Variants in SLC22A2 observed in about 807,000 individuals in gnomAD.
The protein encoded by SLC22A2 is solute carrier family 22 member 2, also known as organic cation transporter 2.
Under a neutral mutation model 60.5 loss-of-function variants are expected in SLC22A2, and 46 were observed. The observed-to-expected ratio is 0.76, with a 90% CI of 0.60 to 0.97. The LOEUF (loss-of-function observed/expected upper bound fraction) is 0.97. Among genes scored for constraint, SLC22A2 ranks in the 50% least tolerant of loss-of-function variants. The pLI is 0.00. For missense variants in SLC22A2, 701 were observed against 706.6 expected, an observed-to-expected ratio of 0.99 and a Z score of 0.09; for synonymous variants, 303 against 267.0, an observed-to-expected ratio of 1.13 and a Z score of -1.31.
In SLC22A2 at chr6:160,258,787, C is replaced by T. The variant is rs748026914; in HGVS notation, c.-30G>A. 2 of 1,511,596 alleles carry T rather than the reference C, an allele frequency of 1.3e-6. No homozygotes were observed. The highest frequency in any genetic ancestry group is 2.3e-5 in the East Asian group (1 of 43,472). 93.6% of individuals were successfully genotyped at this position (1,511,596 alleles called of 1,614,324 possible). The stretch of plus-strand genomic sequence containing the variant: ...CTGCAGGCAGGAGGGCCCGAGGCTG[C>T]CCGACGTGCCCGGAGCGAGGCTGAG... On this transcript the variant is annotated 5_prime_UTR_variant, in exon 1 of 11. Transcript: ENST00000366953.
intron 9 of SLC22A2, among the ~76,000 whole-genome samples, chr6:160,232,570 C>CT (rs1433683827): frequency 4.2e-5 from 3 of 71,944 alleles, no homozygotes; most frequent in East Asian, 1.1e-3. Flanking sequence ...ATTAATGCCT[C>CT]TTTAAAAAAA....
intron 10 of SLC22A2, among the ~76,000 whole-genome samples, chr6:160,222,797 G>A (rs73782047): frequency 0.012 from 1,820 of 152,288 alleles, 54 homozygotes; most frequent in African/African-American, 0.042. Flanking sequence ...CGATCATTCA[G>A]CTCCTACAAA....
At position 160,247,142 on chromosome 6, in the gene SLC22A2, T is replaced by G. The variant is rs749029017; in HGVS notation, c.957+42A>C. On this transcript the variant is annotated intron_variant, in intron 5 of 10. Coordinates refer to ENST00000366953, the MANE Select transcript of SLC22A2 (RefSeq NM_003058.4). ...TGCATGAATCTTACCAGAGCCTCCC[T>G]TTTCTCCATCCCCTGATTTGATACT... 17 of 1,164,460 alleles carry G rather than the reference T, an allele frequency of 1.5e-5. No individual in the cohort carries two copies. The East Asian group carries it at 4.0e-4, about 27-fold the overall frequency. 72.1% of individuals were successfully genotyped at this position (1,164,460 alleles called of 1,614,324 possible).
At chr6:160,221,677 T>G (rs1782646483) in intron 10 of SLC22A2, among the ~76,000 whole-genome samples, 1 of 152,212 alleles carries the variant, frequency 6.6e-6, no homozygotes. Context: ...AATATGGTTG[T>G]GTCTTGGGCC....
At chr6:160,220,902 A>G (rs1225483142) in intron 10 of SLC22A2, among the ~76,000 whole-genome samples, 1 of 152,210 alleles carries the variant, frequency 6.6e-6, no homozygotes, top group East Asian at 1.9e-4. Flanking sequence ...CCATGAGCAC[A>G]AGCAGAGTAG....
intron 3 of SLC22A2, 117 bp from the exon 4 acceptor site, chr6:160,249,501 C>A (rs316017): frequency 1.8e-4 from 141 of 775,742 alleles, no homozygotes; most frequent in Non-Finnish European, 2.5e-4. Flanking sequence ...GAATATTCTA[C>A]GCAACTCTCT....
chr6:160,230,753 C>A (rs998542161), intron 9 of SLC22A2, among the ~76,000 whole-genome samples: 1 of 151,948 alleles, frequency 6.6e-6, no homozygotes, highest in Non-Finnish European at 1.5e-5. Context: ...CCTCCTCCCC[C>A]AGGAGCTTGC....
At chr6:160,235,379 T>C (rs1418020259) in intron 9 of SLC22A2, among the ~76,000 whole-genome samples, 1 of 150,396 alleles carries the variant, frequency 6.6e-6, no homozygotes, top group African/African-American at 2.5e-5. Context: ...CTAGAAGTTA[T>C]GAAAATGTCC....
intron 9 of SLC22A2, among the ~76,000 whole-genome samples, chr6:160,228,132 T>C (rs1463263674): frequency 2.0e-5 from 3 of 152,254 alleles, no homozygotes; most frequent in South Asian, 2.1e-4. Flanking sequence ...CATTATTCTA[T>C]GGATTTGCCC....
intron 3 of SLC22A2, 151 bp downstream of exon 3, chr6:160,250,397 G>T: frequency 1.4e-6 from 1 of 728,690 alleles, no homozygotes; most frequent in Non-Finnish European, 2.4e-6. Flanking sequence ...GAGTTGATAT[G>T]CTTTTAGGAA....
At chr6:160,242,479 T>A (rs1783026130) in intron 7 of SLC22A2, 77 bp from the exon 8 acceptor site, 1 of 848,682 alleles carries the variant, frequency 1.2e-6, no homozygotes, top group Non-Finnish European at 2.1e-6. Context: ...AGTGGGACTG[T>A]AAGGACAAAT....
intron 9 of SLC22A2, among the ~76,000 whole-genome samples, chr6:160,225,036 A>C (rs1045304722): frequency 2.0e-5 from 3 of 152,196 alleles, no homozygotes; most frequent in Admixed American, 6.5e-5. Context: ...ATTTTGAGTC[A>C]AGGTTATTCT....
intron 2 of SLC22A2, among the ~76,000 whole-genome samples, chr6:160,252,573 A>G (rs1378180612): frequency 6.6e-6 from 1 of 152,216 alleles, no homozygotes; most frequent in Admixed American, 6.5e-5. Flanking sequence ...GAAAACAATC[A>G]GAAGAAACAG....
At position 160,250,698 on chromosome 6, in the gene SLC22A2, C is replaced by T; in HGVS notation, c.523G>A (p.Gly175Ser). 1 of 1,613,436 alleles carries T rather than the reference C, an allele frequency of 6.2e-7. No homozygotes were observed. Among genetic ancestry groups the T allele is most frequent in the Non-Finnish European group, 8.5e-7 (1 of 1,179,578 alleles). ...GTAGTTAGGAGGCAGAGCTTACGGCCAAACCTGCAGGAAGAAAAACAAAGA... is the reference window on the plus strand; with the variant it reads ...GTAGTTAGGAGGCAGAGCTTACGGCTAAACCTGCAGGAAGAAAAACAAAGA... Reference protein sequence around the residue: ...MSIGYIADRFGRKLCLLTTVL... With the variant: ...MSIGYIADRFSRKLCLLTTVL... The change falls in exon 3 of 11, where the codon GGC becomes AGC. Residue 175 changes from glycine (G) to serine (S), a missense_variant. By Grantham distance (56) the Gly-to-Ser change is moderately conservative (BLOSUM62 0). Transcript: ENST00000366953.
At chr6:160,228,582 T>C (rs1357774836) in intron 9 of SLC22A2, among the ~76,000 whole-genome samples, 5 of 152,310 alleles carry the variant, frequency 3.3e-5, no homozygotes, top group Admixed American at 6.5e-5. Flanking sequence ...TAATTTCCCT[T>C]GCACTCTGCT....
At chr6:160,234,897 T>C (rs1782886567) in intron 9 of SLC22A2, among the ~76,000 whole-genome samples, 1 of 152,226 alleles carries the variant, frequency 6.6e-6, no homozygotes, top group Non-Finnish European at 1.5e-5. Flanking sequence ...AAAATCTGTA[T>C]AACCTTTACC....
At chr6:160,243,808 G>C in intron 6 of SLC22A2, 22 bp from the exon 7 acceptor site, 2 of 1,584,062 alleles carry the variant, frequency 1.3e-6, no homozygotes, top group Non-Finnish European at 1.7e-6. Flanking sequence ...GGAGAGTTCA[G>C]GTCAAGTCAA....
intron 10 of SLC22A2, among the ~76,000 whole-genome samples, chr6:160,221,589 T>G (rs1782645200): frequency 6.6e-6 from 1 of 152,224 alleles, no homozygotes; most frequent in South Asian, 2.1e-4. Context: ...TGCCTTTTGC[T>G]TTACAGTTGA....
At position 160,251,174 on chromosome 6, in the gene SLC22A2, C is replaced by T. The variant is rs141142268; in HGVS notation, c.519-472G>A. ...ATACCCCCTTTCTTTTTCAACAGTGCTTTTAGGCTTTGTGAAAATTGTCTT... is the reference window on the plus strand; with the variant it reads ...ATACCCCCTTTCTTTTTCAACAGTGTTTTTAGGCTTTGTGAAAATTGTCTT... On this transcript the variant is annotated intron_variant, in intron 2 of 10. Transcript: ENST00000366953. Among the ~76,000 whole-genome samples, 26 of 152,212 alleles carry T rather than the reference C, an allele frequency of 1.7e-4. No individual in the cohort carries two copies. The East Asian group carries it at 4.8e-3, about 28-fold the overall frequency.
Sources: allele counts gnomAD v4.1 joint callset (sites outside exome capture counted in the v4.1 genomes callset), GRCh38; gene constraint gnomAD v4.1.1; transcripts MANE v1.5; gene names NCBI Gene and HGNC (gene_info 2026-07-23, HGNC 2026-07-21).